The following CASTOR2 variants were observed in gnomAD, a reference collection of about 807,000 sequenced individuals.
CASTOR2 encodes the protein cytosolic arginine sensor for mTORC1 subunit 2.
Under a neutral mutation model 31.2 loss-of-function variants are expected in CASTOR2, and 8 were observed. The ratio of observed to expected loss-of-function variants is 0.26; its 90% CI spans 0.15 to 0.46. CASTOR2 has a LOEUF of 0.46. Ranked by LOEUF, CASTOR2 falls within the 20% of genes least tolerant of loss-of-function variation. The pLI is 0.99. For missense variants in CASTOR2, 216 were observed against 382.1 expected, an observed-to-expected ratio of 0.57 and a Z score of 3.62; for synonymous variants, 162 against 158.7, an observed-to-expected ratio of 1.02 and a Z score of -0.16.
intron 6 of CASTOR2, among the ~76,000 whole-genome samples, chr7:75,020,583 C>T (rs1211743435): frequency 1.3e-4 from 19 of 151,810 alleles, no homozygotes; most frequent in African/African-American, 3.6e-4. Flanking sequence ...CTCCACCTCC[C>T]GGGTTCATGC....
In CASTOR2 at chr7:75,005,792, C is replaced by T. The variant is rs1450277725; in HGVS notation, c.114-2202C>T. On this transcript the variant is annotated intron_variant, in intron 1 of 8. Transcript: ENST00000616305. ...ATTGCTTGAGGACAAGAGTTCAAGA[C>T]GACAACACAGCAAGACCTGATCTCT... 3.3e-5 allele frequency among the ~76,000 whole-genome samples: 5 copies of T among 152,258 alleles called. No homozygotes were observed. In the South Asian group the frequency reaches 6.2e-4, roughly 19 times the overall value.
chr7:74,991,242 A>T (rs1414665114), intron 1 of CASTOR2, among the ~76,000 whole-genome samples: 2 of 152,088 alleles, frequency 1.3e-5, no homozygotes, highest in Non-Finnish European at 2.9e-5. Flanking sequence ...CATTCTCCAT[A>T]ACTGGATATG....
intron 4 of CASTOR2, among the ~76,000 whole-genome samples, chr7:75,018,644 G>C (rs1373421986): frequency 6.6e-6 from 1 of 152,240 alleles, no homozygotes; most frequent in Non-Finnish European, 1.5e-5. Context: ...GGCCACTCCT[G>C]CTGCAGCCCA....
intron 2 of CASTOR2, among the ~76,000 whole-genome samples, chr7:75,009,410 G>C (rs1437266465): frequency 6.6e-6 from 1 of 150,496 alleles, no homozygotes; most frequent in Admixed American, 6.7e-5. Context: ...TGGGACTACA[G>C]GCGCCCGCCA....
chr7:75,001,070 C>T (rs1804483258), intron 1 of CASTOR2, among the ~76,000 whole-genome samples: 2 of 151,992 alleles, frequency 1.3e-5, no homozygotes, highest in African/African-American at 4.8e-5. Flanking sequence ...AGGAATCAAG[C>T]CTGCATCTTT....
rs1316880305 is a variant in CASTOR2, at chr7:75,028,554, G to A, written c.*3855G>A. 2.0e-5 allele frequency among the ~76,000 whole-genome samples: 3 copies of A among 152,054 alleles called. No homozygotes were observed. Among genetic ancestry groups the A allele is most frequent in the African/African-American group, 7.2e-5 (3 of 41,404 alleles). On this transcript the variant is annotated 3_prime_UTR_variant, in exon 9 of 9. Transcript: ENST00000616305. ...CTCAACCCCACCCTCTCCCCTTGCT[G>A]CACTCAGAGTACCAGTGGGAGCTGA...
chr7:75,023,034 C>T (rs1805041195), intron 7 of CASTOR2, among the ~76,000 whole-genome samples: 1 of 152,128 alleles, frequency 6.6e-6, no homozygotes, highest in East Asian at 1.9e-4. Flanking sequence ...AAGCACCGGG[C>T]AAGGTGGCTT....
intron 2 of CASTOR2, among the ~76,000 whole-genome samples, chr7:75,014,419 C>CAAAA (rs1193842037): frequency 0.11 from 6,391 of 57,386 alleles, 853 homozygotes; most frequent in African/African-American, 0.33. Context: ...ACTAAAAATA[C>CAAAA]AAAAAAAAAA....
intron 5 of CASTOR2, among the ~76,000 whole-genome samples, chr7:75,019,392 C>G (rs1804941109): frequency 6.6e-6 from 1 of 152,034 alleles, no homozygotes; most frequent in Non-Finnish European, 1.5e-5. Context: ...AGTGGGGAGA[C>G]ACAGACCTGT....
At chr7:74,996,243 G>A (rs1158410075) in intron 1 of CASTOR2, among the ~76,000 whole-genome samples, 1 of 152,062 alleles carries the variant, frequency 6.6e-6, no homozygotes, top group Admixed American at 6.6e-5. Context: ...GCCAGCCGAG[G>A]GGCCCCCAGG....
At chr7:74,995,546 A>G (rs1194519987) in intron 1 of CASTOR2, among the ~76,000 whole-genome samples, 2 of 137,804 alleles carry the variant, frequency 1.5e-5, no homozygotes, top group African/African-American at 5.4e-5. Flanking sequence ...GGTGGCTCAC[A>G]CTTGTAATTC....
rs1164090670 is a variant in CASTOR2, at chr7:74,988,413, T to C, written c.114-19581T>C. ...CCCGGGTTCACGCCATTCTCCTGCC[T>C]CAGCCTCCCGGGTAGCTGGGACTAC... On this transcript the variant is annotated intron_variant, in intron 1 of 8. Coordinates refer to ENST00000616305, the MANE Select transcript of CASTOR2 (RefSeq NM_001145064.3). 1.3e-3 allele frequency among the ~76,000 whole-genome samples: 191 copies of C among 152,246 alleles called. 2 individuals carry two copies. Among genetic ancestry groups the C allele is most frequent in the African/African-American group, 4.4e-3 (181 of 41,536 alleles).
Position 75,018,153 on chromosome 7 carries a change from A to G in CASTOR2, c.511+31A>G. 3 of 1,609,012 alleles carry G rather than the reference A, an allele frequency of 1.9e-6. No homozygotes were observed. The South Asian group carries it at 3.3e-5, about 18-fold the overall frequency. On this transcript the variant is annotated intron_variant, in intron 4 of 8. Transcript: ENST00000616305. ...CTGGGGGCGGGGGTTTGTGCAGGGG[A>G]AACCTCACGAAGTTACCAGGCCCAG... is the stretch of plus-strand genomic sequence containing the variant.
At chr7:74,992,648 C>G (rs1306023564) in intron 1 of CASTOR2, among the ~76,000 whole-genome samples, 1 of 152,144 alleles carries the variant, frequency 6.6e-6, no homozygotes, top group Non-Finnish European at 1.5e-5. Context: ...CCACATTGGC[C>G]AGGCTAGTCT....
intron 1 of CASTOR2, among the ~76,000 whole-genome samples, chr7:74,990,277 A>AG: frequency 6.6e-6 from 1 of 151,702 alleles, no homozygotes; most frequent in East Asian, 1.9e-4. Context: ...AGTCCCAGCT[A>AG]CTCGGGAGGC....
In CASTOR2 at chr7:75,020,021, G is replaced by A; in HGVS notation, c.636-18G>A. The A allele has an allele frequency of 6.4e-7, 1 of 1,550,658 alleles. No individual in the cohort carries two copies. On this transcript the variant is annotated intron_variant, in intron 5 of 8. Coordinates refer to ENST00000616305, the MANE Select transcript of CASTOR2 (RefSeq NM_001145064.3). ...GGCCACAGGGGCCCCATCTTTACCA[G>A]CTGCCTCTGGTCCCCAGAGTGAAGG...
At chr7:75,003,318 A>G (rs1429697679) in intron 1 of CASTOR2, among the ~76,000 whole-genome samples, 3 of 152,176 alleles carry the variant, frequency 2.0e-5, no homozygotes, top group Admixed American at 2.0e-4. Flanking sequence ...GGCTTGGGTA[A>G]TGCACGCCTG....
intron 2 of CASTOR2, among the ~76,000 whole-genome samples, chr7:75,010,984 T>G (rs1229783645): frequency 1.3e-5 from 2 of 151,962 alleles, no homozygotes; most frequent in African/African-American, 4.8e-5. Context: ...TTCTGAGTAG[T>G]TGGGATTATA....
At chr7:75,004,862 G>A (rs1804572693) in intron 1 of CASTOR2, among the ~76,000 whole-genome samples, 1 of 151,964 alleles carries the variant, frequency 6.6e-6, no homozygotes, top group Non-Finnish European at 1.5e-5. Flanking sequence ...GTATGATCTT[G>A]TGAGGTTTTT....
Sources: gnomAD v4.1 joint callset for allele counts (sites outside exome capture counted in the v4.1 genomes callset) on GRCh38, gnomAD v4.1.1 for gene constraint, MANE v1.5 for transcripts, NCBI Gene and HGNC (gene_info 2026-07-23, HGNC 2026-07-21) for gene names.